Variants in ADAMTS17 observed in about 807,000 individuals in gnomAD.
ADAMTS17 encodes A disintegrin and metalloproteinase with thrombospondin motifs 17.
In ADAMTS17, 113 loss-of-function variants were observed where a neutral mutation model predicts 141.5. The ratio of observed to expected loss-of-function variants is 0.80; its 90% confidence interval spans 0.69 to 0.93. The LOEUF (loss-of-function observed/expected upper bound fraction) is 0.93, where lower values mean the gene tolerates loss of function less well. Ranked by LOEUF, ADAMTS17 falls within the 40% of genes least tolerant of loss-of-function variation. The pLI is 0.00. For missense variants in ADAMTS17, 1,659 were observed against 1,517.9 expected (o/e 1.09, Z -1.54); for synonymous variants, 768 against 630.6 (o/e 1.22, Z -3.27).
intron 14 of ADAMTS17, among the ~76,000 whole-genome samples, chr15:100,097,154 T>C (rs541423707): frequency 1.8e-4 from 27 of 152,358 alleles, no homozygotes; most frequent in African/African-American, 6.5e-4. Context: ...AAAAAGGTTT[T>C]GGACTCTTTT....
At chr15:100,155,358 A>C in intron 8 of ADAMTS17, 38 bp from the exon 9 acceptor site, 2 of 1,601,584 alleles carry the variant, frequency 1.2e-6, no homozygotes, top group Non-Finnish European at 1.7e-6. Context: ...CTTATGCTAC[A>C]AGCTTCTCAT....
chr15:100,063,857 C>T (rs2033313369), intron 15 of ADAMTS17: 1 of 795,924 alleles, frequency 1.3e-6, no homozygotes, highest in Non-Finnish European at 1.8e-6. Context: ...AAGCCCCCCA[C>T]AGTGGCTTCA....
At chr15:100,227,867 GGCT>G (rs970817674) in intron 7 of ADAMTS17, among the ~76,000 whole-genome samples, 7 of 152,220 alleles carry the variant, frequency 4.6e-5, no homozygotes, top group Admixed American at 4.6e-4. Flanking sequence ...AGAGGGGCAT[GGCT>G]GCTAAGTCCA....
At chr15:100,047,345 G>A (rs944254834) in intron 18 of ADAMTS17, among the ~76,000 whole-genome samples, 2 of 132,482 alleles carry the variant, frequency 1.5e-5, no homozygotes, top group Non-Finnish European at 3.1e-5. Flanking sequence ...ATTACCTTGT[G>A]AAGTACGTGA....
At chr15:100,276,722 T>C (rs2044110298) in intron 4 of ADAMTS17, among the ~76,000 whole-genome samples, 1 of 152,090 alleles carries the variant, frequency 6.6e-6, no homozygotes, top group Admixed American at 6.5e-5. Context: ...CTCGCTGGCA[T>C]CACGTTCTGC....
At chr15:100,095,801 C>T (rs1193580777) in intron 15 of ADAMTS17, among the ~76,000 whole-genome samples, 3 of 152,138 alleles carry the variant, frequency 2.0e-5, no homozygotes, top group Non-Finnish European at 2.9e-5. Context: ...GCCCATCAAC[C>T]GAATCCTGGC....
intron 3 of ADAMTS17, among the ~76,000 whole-genome samples, chr15:100,311,641 A>G (rs1286914364): frequency 6.6e-6 from 1 of 152,180 alleles, no homozygotes; most frequent in Non-Finnish European, 1.5e-5. Flanking sequence ...GTGGAGCTGC[A>G]TGTGGGAAAA....
intron 18 of ADAMTS17, among the ~76,000 whole-genome samples, chr15:100,005,795 C>A (rs1373728952): frequency 6.6e-6 from 1 of 152,146 alleles, no homozygotes; most frequent in Non-Finnish European, 1.5e-5. Flanking sequence ...GGAATCTATT[C>A]CCTCACAGTT....
chr15:100,133,139 G>C, intron 11 of ADAMTS17, 75 bp downstream of exon 11: 1 of 1,371,592 alleles, frequency 7.3e-7, no homozygotes, highest in South Asian at 1.3e-5. Context: ...AGTACAGATT[G>C]TGTGTCAGAA....
chr15:100,331,172 C>T (rs184846264), intron 2 of ADAMTS17, 118 bp from the exon 3 acceptor site: 934 of 1,300,724 alleles, frequency 7.2e-4, no homozygotes, highest in Middle Eastern at 2.1e-3. Flanking sequence ...GGTCTGGGCT[C>T]GTTTCTTTGC....
chr15:100,217,053 A>C (rs1430848287), intron 7 of ADAMTS17, among the ~76,000 whole-genome samples: 1 of 152,350 alleles, frequency 6.6e-6, no homozygotes, highest in South Asian at 2.1e-4. Flanking sequence ...TATTAAATTT[A>C]TAACTAGACA....
intron 9 of ADAMTS17, among the ~76,000 whole-genome samples, chr15:100,152,972 T>TG: frequency 1.3e-5 from 2 of 151,578 alleles, no homozygotes; most frequent in East Asian, 3.9e-4. Flanking sequence ...ATCTTCGCTC[T>TG]GAAGGTAGTA....
chr15:100,039,671 T>C (rs1336949439), intron 18 of ADAMTS17, among the ~76,000 whole-genome samples: 1 of 152,216 alleles, frequency 6.6e-6, no homozygotes, highest in Non-Finnish European at 1.5e-5. Flanking sequence ...GTATGATCTA[T>C]TCTGAATAGT....
chr15:99,985,181 C>T (rs1285065883), intron 20 of ADAMTS17, among the ~76,000 whole-genome samples: 1 of 152,266 alleles, frequency 6.6e-6, no homozygotes, highest in Non-Finnish European at 1.5e-5. Flanking sequence ...AAAGAAGTGT[C>T]TGTCCCCGCT....
intron 7 of ADAMTS17, among the ~76,000 whole-genome samples, chr15:100,238,586 T>G (rs1191509551): frequency 6.6e-6 from 1 of 152,194 alleles, no homozygotes; most frequent in East Asian, 1.9e-4. Context: ...CGATGGGAAT[T>G]TAATACCTGC....
Position 100,228,609 on chromosome 15 carries a change from T to A in ADAMTS17, c.1075+25527A>T, listed in dbSNP as rs551187619. On this transcript the variant is annotated intron_variant, in intron 7 of 21. Transcript: ENST00000268070. Reference sequence around the variant, plus strand: ...CACAGACCCAGCCCAAGTGGACATGTGAGAGACCACGAGAGAGCGCTGAAC... The same window carrying A: ...CACAGACCCAGCCCAAGTGGACATGAGAGAGACCACGAGAGAGCGCTGAAC... Among the ~76,000 whole-genome samples the A allele has an allele frequency of 2.0e-5, 3 of 152,238 alleles. No individual in the cohort carries two copies. In the South Asian group the frequency reaches 6.2e-4, roughly 32 times the overall value.
At chr15:100,116,088 A>G (rs1351023960) in intron 13 of ADAMTS17, among the ~76,000 whole-genome samples, 1 of 149,112 alleles carries the variant, frequency 6.7e-6, no homozygotes, top group Non-Finnish European at 1.5e-5. Flanking sequence ...ATATGTCATC[A>G]TTATAGCACA....
chr15:100,260,998 C>T (rs2043496271), intron 6 of ADAMTS17, among the ~76,000 whole-genome samples: 1 of 151,970 alleles, frequency 6.6e-6, no homozygotes, highest in Admixed American at 6.6e-5. Flanking sequence ...GGGTTGAAAA[C>T]ATAAGAAAAA....
At chr15:100,110,414 G>A (rs1178524500) in intron 13 of ADAMTS17, among the ~76,000 whole-genome samples, 7 of 151,366 alleles carry the variant, frequency 4.6e-5, no homozygotes, top group Admixed American at 3.3e-4. Flanking sequence ...ACAGGCACCC[G>A]CCACCATGCC....
Sources: allele counts gnomAD v4.1 joint callset (sites outside exome capture counted in the v4.1 genomes callset), GRCh38; gene constraint gnomAD v4.1.1; transcripts MANE v1.5; gene names NCBI Gene and HGNC (gene_info 2026-07-23, HGNC 2026-07-21).